Variants in RALGPS1 observed in about 807,000 individuals in gnomAD.
RALGPS1 encodes the protein Ral GEF with PH domain and SH3 binding motif 1.
A neutral mutation model predicts 78.8 loss-of-function variants in RALGPS1; 19 were observed. That is an observed-to-expected ratio of 0.24 (90% CI 0.17 to 0.35). The LOEUF (loss-of-function observed/expected upper bound fraction) is 0.35. RALGPS1 is among the 10% of genes least tolerant of loss of function. The pLI is 1.00. For synonymous variants in RALGPS1, 228 were observed against 256.3 expected (o/e 0.89, Z 1.06); for missense variants, 454 against 688.3 (o/e 0.66, Z 3.81).
chr9:127,021,728 T>G (rs2045473533), intron 4 of RALGPS1, among the ~76,000 whole-genome samples: 1 of 151,014 alleles, frequency 6.6e-6, no homozygotes, highest in Admixed American at 6.6e-5. Context: ...ATTCCCAGTG[T>G]AAGAGTGGAA....
intron 8 of RALGPS1, among the ~76,000 whole-genome samples, chr9:127,095,586 C>T (rs1343120880): frequency 6.6e-6 from 1 of 152,210 alleles, no homozygotes; most frequent in East Asian, 1.9e-4. Flanking sequence ...CGCTCTGACG[C>T]CCTGCAAGGG....
intron 8 of RALGPS1, among the ~76,000 whole-genome samples, chr9:127,107,376 A>C (rs1589513307): frequency 6.6e-6 from 1 of 152,242 alleles, no homozygotes; most frequent in South Asian, 2.1e-4. Context: ...TGGAAGCATC[A>C]TTGAAAATTC....
chr9:126,989,780 T>C (rs1303843615), intron 4 of RALGPS1: 12 of 1,416,056 alleles, frequency 8.5e-6, no homozygotes, highest in Non-Finnish European at 1.1e-5. Flanking sequence ...TACATATTCC[T>C]GTGGGACACT....
At chr9:127,157,320 T>C (rs2058755239) in intron 8 of RALGPS1, among the ~76,000 whole-genome samples, 1 of 152,068 alleles carries the variant, frequency 6.6e-6, no homozygotes, top group Non-Finnish European at 1.5e-5. Context: ...CTTTCAATCC[T>C]TCAGATATTT....
intron 8 of RALGPS1, among the ~76,000 whole-genome samples, chr9:127,133,876 C>T (rs993382478): frequency 6.6e-6 from 1 of 152,038 alleles, no homozygotes; most frequent in Non-Finnish European, 1.5e-5. Context: ...TTTGGGCCCC[C>T]AGCACCCACT....
At chr9:127,072,403 C>T (rs1283257261) in intron 8 of RALGPS1, among the ~76,000 whole-genome samples, 2 of 152,038 alleles carry the variant, frequency 1.3e-5, no homozygotes, top group Admixed American at 6.6e-5. Flanking sequence ...TTTGTAGAGA[C>T]GAGGTTTCGC....
At chr9:126,934,626 C>T (rs2036094602) in intron 1 of RALGPS1, among the ~76,000 whole-genome samples, 1 of 152,178 alleles carries the variant, frequency 6.6e-6, no homozygotes, top group Admixed American at 6.5e-5. Flanking sequence ...CCACATGAAG[C>T]TCTGGGGTTT....
intron 11 of RALGPS1, among the ~76,000 whole-genome samples, chr9:127,175,207 A>G (rs2059791825): frequency 6.6e-6 from 1 of 152,244 alleles, no homozygotes; most frequent in African/African-American, 2.4e-5. Flanking sequence ...CAGGTGGCTC[A>G]TCAGACTTGT....
At chr9:126,949,949 C>T (rs1362935319) in intron 1 of RALGPS1, among the ~76,000 whole-genome samples, 1 of 152,166 alleles carries the variant, frequency 6.6e-6, no homozygotes, top group Non-Finnish European at 1.5e-5. Context: ...GGTTTTATGT[C>T]TAATGTTTAA....
intron 9 of RALGPS1, among the ~76,000 whole-genome samples, chr9:127,166,617 T>C (rs1219925269): frequency 3.3e-5 from 5 of 152,188 alleles, no homozygotes; most frequent in Admixed American, 2.0e-4. Flanking sequence ...TCCACTGGAC[T>C]CTGCATCCAG....
At chr9:127,057,644 A>T (rs1443239169) in intron 7 of RALGPS1, among the ~76,000 whole-genome samples, 3 of 152,232 alleles carry the variant, frequency 2.0e-5, no homozygotes, top group Non-Finnish European at 4.4e-5. Flanking sequence ...ACTTTGGAAT[A>T]TTGGCTCCCT....
intron 8 of RALGPS1, among the ~76,000 whole-genome samples, chr9:127,097,847 G>C (rs1472053187): frequency 6.6e-6 from 1 of 152,188 alleles, no homozygotes; most frequent in African/African-American, 2.4e-5. Flanking sequence ...CTCCAATCTC[G>C]ATGGCCTCAC....
At chr9:126,944,485 C>G (rs1420108475) in intron 1 of RALGPS1, among the ~76,000 whole-genome samples, 1 of 150,932 alleles carries the variant, frequency 6.6e-6, no homozygotes, top group African/African-American at 2.4e-5. Context: ...TTGTCAACAC[C>G]CAGGGCTGCA....
intron 2 of RALGPS1, among the ~76,000 whole-genome samples, 156 bp downstream of exon 2, chr9:126,962,502 T>A (rs868532839): frequency 8.5e-5 from 13 of 152,236 alleles, no homozygotes; most frequent in African/African-American, 3.1e-4. Context: ...GCGTGAGATT[T>A]GGGAGGCAGT....
chr9:127,001,753 G>T (rs529728969), intron 4 of RALGPS1, among the ~76,000 whole-genome samples: 1 of 152,080 alleles, frequency 6.6e-6, no homozygotes, highest in Non-Finnish European at 1.5e-5. Context: ...GCGTGGAGGC[G>T]TGTGCCTGTA....
At chr9:127,148,915 C>T (rs1394116483) in intron 8 of RALGPS1, among the ~76,000 whole-genome samples, 2 of 152,182 alleles carry the variant, frequency 1.3e-5, no homozygotes, top group Non-Finnish European at 2.9e-5. Flanking sequence ...CCTGGGTCCT[C>T]GTTTCTCTGC....
intron 4 of RALGPS1, among the ~76,000 whole-genome samples, chr9:127,028,348 T>C (rs1182662333): frequency 2.0e-5 from 3 of 152,284 alleles, no homozygotes; most frequent in African/African-American, 7.2e-5. Flanking sequence ...CTGTGTGGTC[T>C]GGACAAATTA....
chr9:127,034,076 A>T (rs958483396), intron 4 of RALGPS1, among the ~76,000 whole-genome samples: 1 of 152,104 alleles, frequency 6.6e-6, no homozygotes, highest in Non-Finnish European at 1.5e-5. Context: ...CTATGTGGGG[A>T]TGAGTTCTGC....
At position 127,211,322 on chromosome 9, in the gene RALGPS1, A is replaced by G. The variant is rs2062243157; in HGVS notation, c.1248-809A>G. On this transcript the variant is annotated intron_variant, in intron 14 of 18. Coordinates refer to ENST00000259351, the MANE Select transcript of RALGPS1 (RefSeq NM_014636.3). The surrounding 1 kb of genome is among the most constrained non-coding windows in gnomAD (Gnocchi z 5.0). ...AGGCACTGGCCGGTGTGGACCCAGGAAGGCCCGTGGAGCGCACTGGGCAGT... is the reference window on the plus strand; with the variant it reads ...AGGCACTGGCCGGTGTGGACCCAGGGAGGCCCGTGGAGCGCACTGGGCAGT... Among the ~76,000 whole-genome samples, 1 of 152,120 alleles carries G rather than the reference A, an allele frequency of 6.6e-6. No homozygotes were observed. Among genetic ancestry groups the G allele is most frequent in the South Asian group, 2.1e-4 (1 of 4,824 alleles).
Sources: allele counts gnomAD v4.1 joint callset (sites outside exome capture counted in the v4.1 genomes callset), GRCh38; gene constraint gnomAD v4.1.1; non-coding constraint Gnocchi (gnomAD v3.1); transcripts MANE v1.5; gene names NCBI Gene and HGNC (gene_info 2026-07-23, HGNC 2026-07-21).